Variants in CAST observed in about 807,000 individuals in gnomAD.
CAST encodes the protein calpastatin.
A neutral mutation model predicts 119.6 loss-of-function variants in CAST; 76 were observed. The observed-to-expected ratio is 0.64, with a 90% CI of 0.53 to 0.77. The LOEUF (loss-of-function observed/expected upper bound fraction) is 0.77, where lower values mean the gene tolerates loss of function less well. CAST is among the 30% of genes least tolerant of loss of function. The pLI, the probability that CAST is intolerant of heterozygous loss-of-function variation, is 0.00. For synonymous variants in CAST, 319 were observed against 331.6 expected (o/e 0.96, Z 0.41); for missense variants, 953 against 946.5 (o/e 1.01, Z -0.09).
At chr5:96,130,731 C>T in the CAST span, among the ~76,000 whole-genome samples, 17 of 152,084 alleles carry the variant, frequency 1.1e-4, no homozygotes, top group Admixed American at 8.5e-4. Context: ...GGCTATTTAA[C>T]AGGATATCTA....
At chr5:96,440,074 T>G in the CAST span, among the ~76,000 whole-genome samples, 1 of 152,074 alleles carries the variant, frequency 6.6e-6, no homozygotes, top group African/African-American at 2.4e-5. Flanking sequence ...TTTTCTGGCT[T>G]CTCTTTATAA....
the CAST span, among the ~76,000 whole-genome samples, chr5:96,238,366 C>CATCTTCTT: frequency 1.3e-4 from 3 of 23,210 alleles, no homozygotes; most frequent in African/African-American, 2.1e-4. Flanking sequence ...TTCTTCTTCT[C>CATCTTCTT]CTTCTTCTCC....
At chr5:96,230,009 G>C in the CAST span, among the ~76,000 whole-genome samples, 1 of 152,076 alleles carries the variant, frequency 6.6e-6, no homozygotes, top group Non-Finnish European at 1.5e-5. Flanking sequence ...GAGGTGTCAG[G>C]GATAGTGACA....
upstream of CAST, among the ~76,000 whole-genome samples, chr5:96,526,000 T>C (rs1745592712): frequency 6.6e-6 from 1 of 152,122 alleles, no homozygotes; most frequent in Non-Finnish European, 1.5e-5. Context: ...TGAAAACTGT[T>C]CCGTCTGGTA....
chr5:96,189,321 A>G, the CAST span, among the ~76,000 whole-genome samples: 1 of 152,088 alleles, frequency 6.6e-6, no homozygotes, highest in Admixed American at 6.6e-5. Flanking sequence ...GTTCCTGAAA[A>G]TTATTTTGCT....
the CAST span, chr5:96,429,109 T>TAAA: frequency 1.7e-5 from 10 of 604,474 alleles, no homozygotes; most frequent in Admixed American, 2.7e-5. Flanking sequence ...TTGGTCACAA[T>TAAA]AAAAAAAAAA....
At chr5:96,172,077 T>G in the CAST span, among the ~76,000 whole-genome samples, 2 of 151,960 alleles carry the variant, frequency 1.3e-5, no homozygotes, top group Admixed American at 1.3e-4. Context: ...AGAGAGTCAG[T>G]GAAGGGAGAT....
At chr5:96,556,803 A>G (rs1467175957) in intron 1 of CAST, among the ~76,000 whole-genome samples, 1 of 152,184 alleles carries the variant, frequency 6.6e-6, no homozygotes, top group East Asian at 1.9e-4. Context: ...TTATCCAGGA[A>G]AACTTCCCCA....
At chr5:96,599,197 T>C (rs1747102442) in intron 1 of CAST, among the ~76,000 whole-genome samples, 1 of 152,172 alleles carries the variant, frequency 6.6e-6, no homozygotes. Context: ...GTCAGACAAA[T>C]GCACAGTGTA....
chr5:96,144,165 A>C, the CAST span, among the ~76,000 whole-genome samples: 1 of 152,232 alleles, frequency 6.6e-6, no homozygotes, highest in African/African-American at 2.4e-5. Context: ...GTGAAAATGC[A>C]TCCGTTTTGG....
At chr5:96,282,996 G>A in the CAST span, among the ~76,000 whole-genome samples, 1 of 151,004 alleles carries the variant, frequency 6.6e-6, no homozygotes, top group Non-Finnish European at 1.5e-5. Context: ...CGGGCGTGAT[G>A]GCGGGCGCCT....
the CAST span, among the ~76,000 whole-genome samples, chr5:96,447,436 C>T: frequency 1.3e-5 from 2 of 152,198 alleles, no homozygotes. Flanking sequence ...TACATATACC[C>T]AGCACACACA....
At chr5:96,519,272 C>A in the CAST span, among the ~76,000 whole-genome samples, 1 of 152,008 alleles carries the variant, frequency 6.6e-6, no homozygotes, top group African/African-American at 2.4e-5. Context: ...GGTTTGGGAC[C>A]AAAACAGGAC....
chr5:96,275,645 A>ACACAG, the CAST span, among the ~76,000 whole-genome samples: 41 of 152,150 alleles, frequency 2.7e-4, no homozygotes, highest in Non-Finnish European at 5.9e-4. Context: ...CAAGATATAG[A>ACACAG]GTTTATTTTG....
the CAST span, among the ~76,000 whole-genome samples, chr5:96,426,595 A>G: frequency 6.6e-4 from 100 of 152,332 alleles, 1 homozygote; most frequent in East Asian, 0.016. Context: ...TACCTGCCCC[A>G]TATTTACAGC....
At chr5:96,640,013 A>G (rs1561437416) in intron 1 of CAST, among the ~76,000 whole-genome samples, 1 of 152,226 alleles carries the variant, frequency 6.6e-6, no homozygotes, top group African/African-American at 2.4e-5. Flanking sequence ...TAAACCAGAA[A>G]AAAAAGAATC....
chr5:96,710,050 G>A (rs1755788425), intron 3 of CAST, among the ~76,000 whole-genome samples: 1 of 152,140 alleles, frequency 6.6e-6, no homozygotes, highest in South Asian at 2.1e-4. Flanking sequence ...AGACTAAAGA[G>A]GACAAGTATT....
the CAST span, among the ~76,000 whole-genome samples, chr5:96,125,327 G>A: frequency 6.6e-6 from 1 of 152,018 alleles, no homozygotes; most frequent in African/African-American, 2.4e-5. Context: ...ATATTTCATG[G>A]GTAGATATGA....
chr5:96,258,184 T>G, the CAST span, among the ~76,000 whole-genome samples: 1 of 152,234 alleles, frequency 6.6e-6, no homozygotes, highest in Non-Finnish European at 1.5e-5. Flanking sequence ...AACTTTGGTT[T>G]CTTTTCAATA....
Sources: allele counts gnomAD v4.1 joint callset (sites outside exome capture counted in the v4.1 genomes callset), GRCh38; gene constraint gnomAD v4.1.1; transcripts MANE v1.5; gene names NCBI Gene and HGNC (gene_info 2026-07-23, HGNC 2026-07-21).